The following EFNA5 variants were observed in gnomAD, a reference collection of about 807,000 sequenced individuals.
The protein encoded by EFNA5 is ephrin A5.
Under a neutral mutation model 22.9 loss-of-function variants are expected in EFNA5, and 5 were observed. That is an observed-to-expected ratio of 0.22 (90% CI 0.11 to 0.46). EFNA5 has a LOEUF of 0.46. Ranked by LOEUF, EFNA5 falls within the 20% of genes least tolerant of loss-of-function variation. EFNA5 has a pLI of 0.99. For missense variants in EFNA5, 237 were observed against 293.3 expected (o/e 0.81, Z 1.40); for synonymous variants, 113 against 112.2 (o/e 1.01, Z -0.04).
At chr5:107,640,173 C>T (rs983758449) in intron 1 of EFNA5, among the ~76,000 whole-genome samples, 2 of 152,094 alleles carry the variant, frequency 1.3e-5, no homozygotes, top group Admixed American at 6.6e-5. Context: ...CACTGGGTAA[C>T]GGAAACTTTG....
intron 1 of EFNA5, among the ~76,000 whole-genome samples, chr5:107,523,390 C>T (rs1195729715): frequency 6.6e-6 from 1 of 151,930 alleles, no homozygotes; most frequent in Admixed American, 6.6e-5. Context: ...TTTTGGTGTC[C>T]CACTGCTTTG....
At chr5:107,589,559 A>G (rs1224260937) in intron 1 of EFNA5, among the ~76,000 whole-genome samples, 1 of 152,226 alleles carries the variant, frequency 6.6e-6, no homozygotes, top group African/African-American at 2.4e-5. Context: ...GTTGAAATAC[A>G]TGGAGTTTCT....
chr5:107,471,831 T>C (rs948189111), intron 1 of EFNA5, among the ~76,000 whole-genome samples: 3 of 152,344 alleles, frequency 2.0e-5, no homozygotes, highest in East Asian at 1.9e-4. Context: ...GTATTCTCCT[T>C]CATAGCTTGG....
intron 1 of EFNA5, among the ~76,000 whole-genome samples, chr5:107,521,476 A>ATATATTTT (rs1491248327): frequency 5.1e-5 from 3 of 58,358 alleles, no homozygotes; most frequent in African/African-American, 2.1e-4. Context: ...ATATATATAT[A>ATATATTTT]TTTTTTTTTT....
chr5:107,494,959 C>T (rs182535251), intron 1 of EFNA5, among the ~76,000 whole-genome samples: 28 of 152,112 alleles, frequency 1.8e-4, no homozygotes, highest in African/African-American at 6.5e-4. Flanking sequence ...CTGGTGGGGA[C>T]ATGAAAAACC....
intron 1 of EFNA5, among the ~76,000 whole-genome samples, chr5:107,622,841 GA>G (rs972137313): frequency 4.0e-5 from 6 of 151,346 alleles, no homozygotes; most frequent in Non-Finnish European, 5.9e-5. Context: ...CTAACGAGGT[GA>G]AACCCCGTCT....
chr5:107,633,328 A>T (rs1750299132), intron 1 of EFNA5, among the ~76,000 whole-genome samples: 1 of 152,234 alleles, frequency 6.6e-6, no homozygotes, highest in South Asian at 2.1e-4. Flanking sequence ...TAAAAACCCG[A>T]TGTGCTCTTT....
intron 1 of EFNA5, among the ~76,000 whole-genome samples, chr5:107,515,614 G>A (rs993849722): frequency 1.3e-5 from 2 of 152,044 alleles, no homozygotes; most frequent in Non-Finnish European, 2.9e-5. Flanking sequence ...TCAAACTCAG[G>A]TGACCTGCCT....
intron 1 of EFNA5, among the ~76,000 whole-genome samples, chr5:107,554,315 AT>A (rs1748362795): frequency 6.6e-6 from 1 of 152,230 alleles, no homozygotes; most frequent in Non-Finnish European, 1.5e-5. Context: ...CACACATCTC[AT>A]ATGTATCAGA....
chr5:107,599,929 C>T (rs1003313337), intron 1 of EFNA5, among the ~76,000 whole-genome samples: 1 of 152,206 alleles, frequency 6.6e-6, no homozygotes, highest in African/African-American at 2.4e-5. Context: ...CTGCTATTGT[C>T]CAAAGCAGCA....
intron 1 of EFNA5, among the ~76,000 whole-genome samples, chr5:107,538,340 A>G (rs1304752549): frequency 6.6e-6 from 1 of 152,266 alleles, no homozygotes; most frequent in African/African-American, 2.4e-5. Context: ...TTTACTGAGT[A>G]CTTACTGAGC....
chr5:107,396,496 T>C (rs957145064), intron 2 of EFNA5, among the ~76,000 whole-genome samples: 59 of 152,354 alleles, frequency 3.9e-4, no homozygotes, highest in African/African-American at 9.6e-5. Context: ...TGCATGGGGA[T>C]ATCCCTAAGC....
At chr5:107,481,133 C>G (rs1382785355) in intron 1 of EFNA5, among the ~76,000 whole-genome samples, 1 of 152,186 alleles carries the variant, frequency 6.6e-6, no homozygotes, top group Non-Finnish European at 1.5e-5. Flanking sequence ...GTTAGACTCT[C>G]CTGCTGACAG....
intron 1 of EFNA5, among the ~76,000 whole-genome samples, chr5:107,509,040 A>C (rs1747307116): frequency 6.6e-6 from 1 of 152,200 alleles, no homozygotes; most frequent in South Asian, 2.1e-4. Context: ...TCAAAGTTGC[A>C]TTTGGACAAA....
intron 4 of EFNA5, among the ~76,000 whole-genome samples, chr5:107,384,768 A>ATT (rs61305329): frequency 2.0e-4 from 19 of 92,792 alleles, no homozygotes; most frequent in Admixed American, 1.1e-3. Flanking sequence ...CACACACCAC[A>ATT]TTTTTTTTTT....
intron 1 of EFNA5, among the ~76,000 whole-genome samples, chr5:107,528,620 G>A (rs116107874): frequency 2.6e-3 from 397 of 152,200 alleles, no homozygotes; most frequent in African/African-American, 8.5e-3. Context: ...TATTGAGTTT[G>A]TTAATTTTCT....
At position 107,613,505 on chromosome 5, in the gene EFNA5, G is replaced by A. The variant is rs1487054882; in HGVS notation, c.125+56984C>T. ...AATGACCCTTGCTATATGAACTTCT[G>A]TTCTCTCTCCATTTCCTCCTGACAG... On this transcript the variant is annotated intron_variant, in intron 1 of 4. Coordinates refer to ENST00000333274, the MANE Select transcript of EFNA5 (RefSeq NM_001962.3). Among the ~76,000 whole-genome samples, 4 of 152,116 alleles carry A rather than the reference G, an allele frequency of 2.6e-5. No individual in the cohort carries two copies. The East Asian group carries it at 5.8e-4, about 22-fold the overall frequency.
chr5:107,418,504 C>T (rs1325715529), intron 2 of EFNA5, among the ~76,000 whole-genome samples: 1 of 152,158 alleles, frequency 6.6e-6, no homozygotes, highest in African/African-American at 2.4e-5. Context: ...CATTGAGTCT[C>T]AGTAGGGTAA....
intron 1 of EFNA5, among the ~76,000 whole-genome samples, chr5:107,570,480 A>G (rs1036037160): frequency 3.9e-5 from 6 of 152,190 alleles, no homozygotes; most frequent in African/African-American, 1.4e-4. Flanking sequence ...AATCATCTTA[A>G]TCCCTTGTAT....
Sources: allele counts gnomAD v4.1 joint callset (sites outside exome capture counted in the v4.1 genomes callset), GRCh38; gene constraint gnomAD v4.1.1; transcripts MANE v1.5; gene names NCBI Gene and HGNC (gene_info 2026-07-23, HGNC 2026-07-21).